The following GRIK2 variants were observed in gnomAD, a reference collection of about 807,000 sequenced individuals.
GRIK2 encodes glutamate ionotropic receptor kainate type subunit 2.
A neutral mutation model predicts 100.3 loss-of-function variants in GRIK2; 32 were observed. The observed-to-expected ratio is 0.32, with a 90% CI of 0.24 to 0.43. The LOEUF is 0.43. GRIK2 is among the 20% of genes least tolerant of loss of function. The probability of loss-of-function intolerance (pLI) is 1.00; values close to 1 mark genes in which losing one functional copy is unlikely to be tolerated. For missense variants in GRIK2, 843 were observed against 1,114.9 expected, an observed-to-expected ratio of 0.76 and a Z score of 3.47; for synonymous variants, 417 against 389.4, an observed-to-expected ratio of 1.07 and a Z score of -0.83.
intron 12 of GRIK2, among the ~76,000 whole-genome samples, chr6:101,911,073 G>C (rs1161200000): frequency 6.6e-6 from 1 of 151,352 alleles, no homozygotes; most frequent in Non-Finnish European, 1.5e-5. Flanking sequence ...TGTAAGGGCT[G>C]TTTTGTCTTC....
rs545304901 is a variant in GRIK2, at chr6:101,891,415, G to C, written c.1748+1552G>C. On this transcript the variant is annotated intron_variant, in intron 12 of 16. Coordinates refer to ENST00000369134, the MANE Select transcript of GRIK2 (RefSeq NM_021956.5). ...ACCTGTAGTCCCAGATACTTGGGAG[G>C]CTGAGGCAGGAGAATCGCTTGAACC... Among the ~76,000 whole-genome samples, 133 of 150,998 alleles carry C rather than the reference G, an allele frequency of 8.8e-4. 1 individual carries two copies. The highest frequency in any genetic ancestry group is 3.0e-3 in the African/African-American group (124 of 41,108).
chr6:101,625,538 G>A (rs991773513), intron 3 of GRIK2, among the ~76,000 whole-genome samples: 1 of 151,800 alleles, frequency 6.6e-6, no homozygotes, highest in Non-Finnish European at 1.5e-5. Context: ...TTAAAGATAA[G>A]TTTTGTGTTC....
intron 14 of GRIK2, among the ~76,000 whole-genome samples, chr6:101,984,387 T>C (rs771288086): frequency 1.5e-4 from 22 of 151,620 alleles, no homozygotes; most frequent in Non-Finnish European, 3.1e-4. Flanking sequence ...AAGATAAGTG[T>C]CTGACAAGGA....
At chr6:101,610,228 G>A (rs1260909762) in intron 2 of GRIK2, among the ~76,000 whole-genome samples, 1 of 151,404 alleles carries the variant, frequency 6.6e-6, no homozygotes, top group Non-Finnish European at 1.5e-5. Flanking sequence ...CTATCTTAAA[G>A]TTATAGTCCA....
chr6:101,785,275 G>C (rs1779350248), intron 7 of GRIK2, among the ~76,000 whole-genome samples: 1 of 152,046 alleles, frequency 6.6e-6, no homozygotes, highest in African/African-American at 2.4e-5. Context: ...TCACTCTGTT[G>C]GTTGTTTGCT....
At chr6:101,496,347 A>G (rs559135337) in intron 2 of GRIK2, among the ~76,000 whole-genome samples, 201 of 152,342 alleles carry the variant, frequency 1.3e-3, no homozygotes, top group African/African-American at 4.4e-3. Flanking sequence ...GTGATGTGAC[A>G]TAATGGCTGT....
At position 101,987,509 on chromosome 6, in the gene GRIK2, T is replaced by C. The variant is rs541574691; in HGVS notation, c.2086-47832T>C. 4.0e-5 allele frequency among the ~76,000 whole-genome samples: 6 copies of C among 151,638 alleles called. No individual in the cohort carries two copies. The South Asian group carries it at 1.2e-3, about 31-fold the overall frequency. On this transcript the variant is annotated intron_variant, in intron 14 of 16. Coordinates refer to ENST00000369134, the MANE Select transcript of GRIK2 (RefSeq NM_021956.5). Reference sequence around the variant, plus strand: ...GAAAATTTAACTGCCTTTTCAATTCTTATTAGGTGTATGATATTTAATTTA... The same window carrying C: ...GAAAATTTAACTGCCTTTTCAATTCCTATTAGGTGTATGATATTTAATTTA...
chr6:101,627,244 C>A (rs779878295), intron 4 of GRIK2, among the ~76,000 whole-genome samples: 1 of 151,846 alleles, frequency 6.6e-6, no homozygotes, highest in Admixed American at 6.6e-5. Context: ...CAGGTTCAAG[C>A]GATTCTCCTG....
chr6:101,554,906 A>T (rs755293463), intron 2 of GRIK2, among the ~76,000 whole-genome samples: 5 of 152,164 alleles, frequency 3.3e-5, no homozygotes, highest in Non-Finnish European at 5.9e-5. Context: ...CTCAAAACTG[A>T]ATAGATAATA....
At chr6:101,817,067 ATAGAAT>A (rs1781679514) in intron 9 of GRIK2, among the ~76,000 whole-genome samples, 1 of 152,182 alleles carries the variant, frequency 6.6e-6, no homozygotes, top group African/African-American at 2.4e-5. Context: ...TGACTCTGAA[ATAGAAT>A]TAGGCTCCAT....
rs571204806 is a variant in GRIK2, at chr6:101,882,571, T to A, written c.1525-7069T>A. On this transcript the variant is annotated intron_variant, in intron 11 of 16. Coordinates refer to ENST00000369134, the MANE Select transcript of GRIK2 (RefSeq NM_021956.5). ...AGCTAAATCTATTACTTTTTTTTTT[T>A]AAATGATTTCCTATTCATGCCCTAC... Among the ~76,000 whole-genome samples the A allele has an allele frequency of 1.8e-3, 271 of 152,140 alleles. 1 individual carries two copies. The highest frequency in any genetic ancestry group is 6.2e-3 in the African/African-American group (256 of 41,518).
chr6:101,799,604 A>T lies in GRIK2; in HGVS notation c.952-44A>T, dbSNP rs1758454913. On this transcript the variant is annotated intron_variant, in intron 7 of 16. Coordinates refer to ENST00000369134, the MANE Select transcript of GRIK2 (RefSeq NM_021956.5). Reference sequence around the variant, plus strand: ...TTGCAAACCATCTACCACAAGTTCTACAAGTTATATTGACTATAAATTTCC... The same window carrying T: ...TTGCAAACCATCTACCACAAGTTCTTCAAGTTATATTGACTATAAATTTCC... 2.0e-6 allele frequency: 3 copies of T among 1,530,674 alleles called. 1 individual carries two copies. The South Asian group carries it at 3.4e-5, about 17-fold the overall frequency. 94.8% of individuals were successfully genotyped at this position (1,530,674 alleles called of 1,614,324 possible). A position where few individuals can be genotyped will look rare whatever the true frequency, so the allele number is the denominator to read the frequency against.
At chr6:101,891,231 A>G (rs1211663954) in intron 12 of GRIK2, among the ~76,000 whole-genome samples, 1 of 151,988 alleles carries the variant, frequency 6.6e-6, no homozygotes, top group Non-Finnish European at 1.5e-5. Flanking sequence ...GAAGTAGCAT[A>G]ATATTGGCCG....
At chr6:101,812,253 CA>C (rs1252973513) in intron 9 of GRIK2, among the ~76,000 whole-genome samples, 2 of 151,422 alleles carry the variant, frequency 1.3e-5, no homozygotes, top group African/African-American at 4.8e-5. Flanking sequence ...GAAAGTCAAC[CA>C]AAAAAGTCTG....
Position 101,827,434 on chromosome 6 carries a change from T to G in GRIK2, c.1317+8951T>G, listed in dbSNP as rs540293657. On this transcript the variant is annotated intron_variant, in intron 10 of 16. Transcript: ENST00000369134. ...TTGCTCTATAAGCCTGGCATACTATTTGTTTTTGCTTTAAAACATAGCCCC... is the reference window on the plus strand; with the variant it reads ...TTGCTCTATAAGCCTGGCATACTATGTGTTTTTGCTTTAAAACATAGCCCC... 1.3e-4 allele frequency among the ~76,000 whole-genome samples: 19 copies of G among 151,968 alleles called. No individual in the cohort carries two copies. The South Asian group carries it at 3.7e-3, about 30-fold the overall frequency.
Position 101,863,205 on chromosome 6 carries a change from C to T in GRIK2, c.1524+3712C>T, listed in dbSNP as rs776050444. Among the ~76,000 whole-genome samples the T allele has an allele frequency of 2.5e-4, 38 of 152,246 alleles. 1 individual carries two copies. Among genetic ancestry groups the T allele is most frequent in the Non-Finnish European group, 4.6e-4 (31 of 68,024 alleles). On this transcript the variant is annotated intron_variant, in intron 11 of 16. Transcript: ENST00000369134. The stretch of plus-strand genomic sequence containing the variant: ...CAGGAATGCATATATACATTTTAGT[C>T]AGATTTTCATTTAATCAGCAATGTT...
At chr6:101,542,097 T>G (rs1053053738) in intron 2 of GRIK2, among the ~76,000 whole-genome samples, 1 of 152,092 alleles carries the variant, frequency 6.6e-6, no homozygotes, top group Non-Finnish European at 1.5e-5. Flanking sequence ...TTCTAAGGTG[T>G]TTTTACTGTT....
intron 2 of GRIK2, among the ~76,000 whole-genome samples, chr6:101,456,986 T>A (rs1771044163): frequency 6.6e-6 from 1 of 152,154 alleles, no homozygotes; most frequent in South Asian, 2.1e-4. Flanking sequence ...TCAACTTAAG[T>A]ATGCCATAGC....
At chr6:101,972,519 T>G (rs1562078442) in intron 14 of GRIK2, among the ~76,000 whole-genome samples, 1 of 150,924 alleles carries the variant, frequency 6.6e-6, no homozygotes, top group Non-Finnish European at 1.5e-5. Context: ...TTGGATGCAG[T>G]TTGTGAATGT....
Sources: allele counts gnomAD v4.1 joint callset (sites outside exome capture counted in the v4.1 genomes callset), GRCh38; gene constraint gnomAD v4.1.1; transcripts MANE v1.5; gene names NCBI Gene and HGNC (gene_info 2026-07-23, HGNC 2026-07-21).